The following CYP4F22 variants were observed in gnomAD, a reference collection of about 807,000 sequenced individuals.
The protein encoded by CYP4F22 is ultra-long-chain fatty acid omega-hydroxylase.
In CYP4F22, 37 loss-of-function variants were observed where a neutral mutation model predicts 60.4. That is an observed-to-expected ratio of 0.61 (90% CI 0.47 to 0.81). The LOEUF is 0.81. Ranked by LOEUF, CYP4F22 falls within the 30% of genes least tolerant of loss-of-function variation. The pLI is 0.00. For missense variants in CYP4F22, 655 were observed against 715.0 expected (o/e 0.92, Z 0.96); for synonymous variants, 258 against 280.5 (o/e 0.92, Z 0.80).
intron 3 of CYP4F22, among the ~76,000 whole-genome samples, chr19:15,527,990 G>A (rs1971301294): frequency 6.6e-6 from 1 of 152,208 alleles, no homozygotes; most frequent in Admixed American, 6.5e-5. Context: ...CAGCAGGTGA[G>A]GAAGTGCAGT....
intron 1 of CYP4F22, among the ~76,000 whole-genome samples, chr19:15,519,585 T>C (rs569988763): frequency 1.3e-5 from 2 of 152,024 alleles, no homozygotes; most frequent in African/African-American, 4.8e-5. Context: ...TTTTTGAGGC[T>C]GAAGTGGAGG....
intron 3 of CYP4F22, among the ~76,000 whole-genome samples, chr19:15,527,871 G>A (rs1387398044): frequency 6.6e-6 from 1 of 152,170 alleles, no homozygotes; most frequent in Non-Finnish European, 1.5e-5. Flanking sequence ...CACTTTTATG[G>A]ATTTGAGCAC....
intron 10 of CYP4F22, among the ~76,000 whole-genome samples, chr19:15,545,104 T>TA (rs71333385): frequency 0.56 from 78,284 of 138,834 alleles, 20,983 homozygotes; most frequent in South Asian, 0.67. Flanking sequence ...ATAAATAAAA[T>TA]AAAAAAAAAA....
At chr19:15,549,893 A>G (rs1405755729) in intron 12 of CYP4F22, among the ~76,000 whole-genome samples, 1 of 151,890 alleles carries the variant, frequency 6.6e-6, no homozygotes, top group African/African-American at 2.4e-5. Flanking sequence ...GCTTGGGCCC[A>G]GCAGTTTGAG....
At chr19:15,522,999 C>T (rs1971242396) in intron 1 of CYP4F22, among the ~76,000 whole-genome samples, 1 of 151,978 alleles carries the variant, frequency 6.6e-6, no homozygotes, top group Admixed American at 6.6e-5. Context: ...GTGTGAGCCA[C>T]TGCACCCGGC....
At chr19:15,538,239 A>G (rs1295871231) in intron 7 of CYP4F22, among the ~76,000 whole-genome samples, 1 of 152,128 alleles carries the variant, frequency 6.6e-6, no homozygotes, top group Admixed American at 6.5e-5. Flanking sequence ...ATGTGAATCA[A>G]TGGCTTGGTA....
At chr19:15,519,326 G>A (rs981912270) in intron 1 of CYP4F22, among the ~76,000 whole-genome samples, 4 of 150,840 alleles carry the variant, frequency 2.7e-5, no homozygotes, top group African/African-American at 9.8e-5. Flanking sequence ...GCAATGATGC[G>A]ACCTCAGCTC....
chr19:15,518,647 CA>C (rs748509278), intron 1 of CYP4F22, among the ~76,000 whole-genome samples: 659 of 23,486 alleles, frequency 0.028, 2 homozygotes, highest in African/African-American at 0.084. Flanking sequence ...GACTTTGTCT[CA>C]AAAAAAAAAA....
intron 8 of CYP4F22, among the ~76,000 whole-genome samples, chr19:15,541,268 T>A (rs956693326): frequency 8.5e-5 from 13 of 152,170 alleles, no homozygotes; most frequent in African/African-American, 3.1e-4. Context: ...AAGTCCAAGA[T>A]CAAGGTATCT....
intron 1 of CYP4F22, among the ~76,000 whole-genome samples, chr19:15,509,925 CTTT>C (rs2144489769): frequency 9.2e-5 from 12 of 129,844 alleles, no homozygotes; most frequent in Non-Finnish European, 1.5e-4. Flanking sequence ...TTCCTTCCTT[CTTT>C]CTTTCTTTCT....
At chr19:15,521,272 C>T (rs1599792619) in intron 1 of CYP4F22, among the ~76,000 whole-genome samples, 2 of 144,390 alleles carry the variant, frequency 1.4e-5, no homozygotes, top group South Asian at 4.5e-4. Context: ...CGCTCTGTCA[C>T]CCAGGCTGGA....
chr19:15,524,333 G>A (rs1971256914), intron 2 of CYP4F22, among the ~76,000 whole-genome samples: 1 of 152,160 alleles, frequency 6.6e-6, no homozygotes, highest in Admixed American at 6.6e-5. Context: ...CAGGGATGGG[G>A]TTTTGTTTTG....
chr19:15,538,336 G>A (rs117968357), intron 7 of CYP4F22, among the ~76,000 whole-genome samples: 6,029 of 152,220 alleles, frequency 0.04, 161 homozygotes, highest in Middle Eastern at 0.065. Context: ...CCCACTTTCT[G>A]AGGCTCAGTT....
chr19:15,521,858 C>T (rs1971229762), intron 1 of CYP4F22, among the ~76,000 whole-genome samples: 1 of 151,728 alleles, frequency 6.6e-6, no homozygotes, highest in South Asian at 2.1e-4. Flanking sequence ...AAAGGAACCA[C>T]CAGTGGCCGG....
intron 10 of CYP4F22, among the ~76,000 whole-genome samples, chr19:15,547,018 G>GTTTGTTTTTT (rs557172090): frequency 1.2e-5 from 1 of 82,330 alleles, no homozygotes; most frequent in Non-Finnish European, 2.1e-5. Flanking sequence ...GCCTGCACCA[G>GTTTGTTTTTT]TTTTTTTTTT....
chr19:15,517,409 G>A (rs1158055911), intron 1 of CYP4F22, among the ~76,000 whole-genome samples: 1 of 152,188 alleles, frequency 6.6e-6, no homozygotes, highest in African/African-American at 2.4e-5. Context: ...GTCCTGGGAA[G>A]GACTTCAGCC....
intron 7 of CYP4F22, 124 bp downstream of exon 7, chr19:15,538,117 A>C (rs1217890478): frequency 1.5e-6 from 2 of 1,363,624 alleles, no homozygotes; most frequent in African/African-American, 2.9e-5. Context: ...CGGATGGGCC[A>C]TGTGCTTCCG....
At chr19:15,508,951 C>A (rs1160221902) in intron 1 of CYP4F22, among the ~76,000 whole-genome samples, 1 of 152,076 alleles carries the variant, frequency 6.6e-6, no homozygotes, top group Admixed American at 6.5e-5. Context: ...TGGGTTCAAG[C>A]CCCGCCCTGG....
At position 15,551,804 on chromosome 19, in the gene CYP4F22, C is replaced by A. The variant is rs965667631; in HGVS notation, c.*333C>A. 36 of 418,850 alleles carry A rather than the reference C, an allele frequency of 8.6e-5. No individual in the cohort carries two copies. The highest frequency in any genetic ancestry group is 6.9e-4 in the African/African-American group (34 of 49,482). 25.9% of individuals were successfully genotyped at this position (418,850 alleles called of 1,614,324 possible). Reference sequence around the variant, plus strand: ...CCTACGGATTGAGGTCCTCAGGCCACGCCCCTGCAGATCCAGGTCTCCAGG... The same window carrying A: ...CCTACGGATTGAGGTCCTCAGGCCAAGCCCCTGCAGATCCAGGTCTCCAGG... On this transcript the variant is annotated 3_prime_UTR_variant, in exon 14 of 14. Coordinates refer to ENST00000269703, the MANE Select transcript of CYP4F22 (RefSeq NM_173483.4).
Sources: gnomAD v4.1 joint callset for allele counts (sites outside exome capture counted in the v4.1 genomes callset) on GRCh38, gnomAD v4.1.1 for gene constraint, MANE v1.5 for transcripts, NCBI Gene and HGNC (gene_info 2026-07-23, HGNC 2026-07-21) for gene names.